The following GOLGA6L9 variants were observed in gnomAD, a reference collection of about 807,000 sequenced individuals.
The protein encoded by GOLGA6L9 is golgin subfamily A member 6-like protein 9.
GOLGA6L9 carries 19 observed loss-of-function variants against 51.3 expected under a neutral mutation model. The ratio of observed to expected loss-of-function variants is 0.37; its 90% CI spans 0.26 to 0.54. The LOEUF (loss-of-function observed/expected upper bound fraction) is 0.54. Among genes scored for constraint, GOLGA6L9 ranks in the 20% least tolerant of loss-of-function variants. The pLI is 0.83. For missense variants in GOLGA6L9, 247 were observed against 464.1 expected (o/e 0.53, Z 4.30); for synonymous variants, 97 against 184.2 (o/e 0.53, Z 3.83).
the GOLGA6L9 span, among the ~76,000 whole-genome samples, chr15:82,416,168 C>T: frequency 6.6e-6 from 1 of 151,926 alleles, no homozygotes; most frequent in Non-Finnish European, 1.5e-5. Flanking sequence ...GAAGAGTAAG[C>T]GCAATCAGGT....
chr15:82,436,602 G>C lies in GOLGA6L9; in HGVS notation c.*191G>C. 1 of 571,554 alleles carries C rather than the reference G, an allele frequency of 1.7e-6. No individual in the cohort carries two copies. Among genetic ancestry groups the C allele is most frequent in the Middle Eastern group, 5.1e-4 (1 of 1,980 alleles). 35.4% of individuals were successfully genotyped at this position (571,554 alleles called of 1,614,324 possible). A position where few individuals can be genotyped will look rare whatever the true frequency, so the allele number is the denominator to read the frequency against. On this transcript the variant is annotated 3_prime_UTR_variant, in exon 9 of 9. Coordinates refer to ENST00000618348, the MANE Select transcript of GOLGA6L9 (RefSeq NM_198181.4). ...TAATTTATAGTTTAAATTTATTTGT[G>C]TTTCTAATTTATAGTTTAAATTTAT...
the GOLGA6L9 span, among the ~76,000 whole-genome samples, chr15:82,417,919 A>T: frequency 3.3e-5 from 5 of 152,240 alleles, no homozygotes; most frequent in African/African-American, 1.2e-4. Context: ...GAGATTTCAA[A>T]TGTTTCAGAA....
In GOLGA6L9 at chr15:82,436,660, G is replaced by C. The variant is rs1397370648; in HGVS notation, c.*249G>C. ...TCTAATTTATAATTTAAATTTATTT[G>C]TAAAAAGTTAAATGAGAGTGGGTCT... On this transcript the variant is annotated 3_prime_UTR_variant, in exon 9 of 9. Coordinates refer to ENST00000618348, the MANE Select transcript of GOLGA6L9 (RefSeq NM_198181.4). The C allele has an allele frequency of 3.2e-6, 1 of 311,122 alleles. No homozygotes were observed. Among genetic ancestry groups the C allele is most frequent in the Non-Finnish European group, 5.5e-6 (1 of 180,442 alleles). The allele number at this position is 311,122 out of a possible 1,614,324, so 19.3% of individuals were successfully genotyped here.
upstream of GOLGA6L9, among the ~76,000 whole-genome samples, chr15:82,429,451 T>C (rs1257921539): frequency 9.3e-3 from 1,417 of 152,276 alleles, 28 homozygotes; most frequent in African/African-American, 0.033. Flanking sequence ...TGTAGGAGAA[T>C]AAGACAAACA....
chr15:82,429,071 T>G (rs2031299597), upstream of GOLGA6L9, among the ~76,000 whole-genome samples: 1 of 147,418 alleles, frequency 6.8e-6, no homozygotes, highest in African/African-American at 2.4e-5. Context: ...TGTATCTTAT[T>G]TTATTTTATT....
chr15:82,418,867 A>C, the GOLGA6L9 span: 1 of 152,384 alleles, frequency 6.6e-6, no homozygotes, highest in African/African-American at 2.4e-5. Context: ...CATTGTAAAG[A>C]ACACTCAAAT....
At chr15:82,418,305 G>A in the GOLGA6L9 span, among the ~76,000 whole-genome samples, 1 of 152,286 alleles carries the variant, frequency 6.6e-6, no homozygotes, top group South Asian at 2.1e-4. Flanking sequence ...CTTCTGGGGG[G>A]AAATACAGCA....
In GOLGA6L9 at chr15:82,439,101, A is replaced by T. The variant is rs1374351853; in HGVS notation, c.*2690A>T. 5.9e-5 allele frequency: 9 copies of T among 151,908 alleles called. No homozygotes were observed. Among genetic ancestry groups the T allele is most frequent in the Non-Finnish European group, 1.2e-4 (8 of 68,004 alleles). The allele number at this position is 151,908 out of a possible 1,614,324, so 9.4% of individuals were successfully genotyped here. On this transcript the variant is annotated 3_prime_UTR_variant, in exon 9 of 9. Coordinates refer to ENST00000618348, the MANE Select transcript of GOLGA6L9 (RefSeq NM_198181.4). ...CATTATTGACTGCTGCTGTGATGCTACTATAATGTAATACATTATTAAATT... is the reference window on the plus strand; with the variant it reads ...CATTATTGACTGCTGCTGTGATGCTTCTATAATGTAATACATTATTAAATT...
the GOLGA6L9 span, among the ~76,000 whole-genome samples, chr15:82,419,652 A>AAAAAC: frequency 3.3e-5 from 5 of 152,172 alleles, no homozygotes; most frequent in Non-Finnish European, 5.9e-5. Flanking sequence ...TCCATCTCAA[A>AAAAAC]AAAACAAAAC....
chr15:82,419,652 AAAAAC>A, the GOLGA6L9 span, among the ~76,000 whole-genome samples: 23 of 152,290 alleles, frequency 1.5e-4, no homozygotes, highest in Non-Finnish European at 2.6e-4. Context: ...TCCATCTCAA[AAAAAC>A]AAAACAAAAC....
chr15:82,417,123 G>A, the GOLGA6L9 span, among the ~76,000 whole-genome samples: 1 of 152,146 alleles, frequency 6.6e-6, no homozygotes, highest in African/African-American at 2.4e-5. Flanking sequence ...TTTTGTAATT[G>A]ACTTTTCTTT....
the GOLGA6L9 span, among the ~76,000 whole-genome samples, chr15:82,419,673 A>C: frequency 6.6e-6 from 1 of 151,838 alleles, no homozygotes; most frequent in South Asian, 2.1e-4. Flanking sequence ...AAAACAAAAC[A>C]AAAAAAACAG....
upstream of GOLGA6L9, among the ~76,000 whole-genome samples, chr15:82,429,389 T>C (rs1391205585): frequency 1.3e-5 from 2 of 152,154 alleles, no homozygotes; most frequent in African/African-American, 4.8e-5. Flanking sequence ...AGCTTTGTGT[T>C]TTTAAAGATA....
chr15:82,436,617 T>G lies in GOLGA6L9; in HGVS notation c.*206T>G, dbSNP rs1288997542. Reference sequence around the variant, plus strand: ...ATTTATTTGTGTTTCTAATTTATAGTTTAAATTTATTTTTGTTTCTAATTT... The same window carrying G: ...ATTTATTTGTGTTTCTAATTTATAGGTTAAATTTATTTTTGTTTCTAATTT... On this transcript the variant is annotated 3_prime_UTR_variant, in exon 9 of 9. Coordinates refer to ENST00000618348, the MANE Select transcript of GOLGA6L9 (RefSeq NM_198181.4). 3 of 505,030 alleles carry G rather than the reference T, an allele frequency of 5.9e-6. No individual in the cohort carries two copies. Among genetic ancestry groups the G allele is most frequent in the Non-Finnish European group, 9.4e-6 (3 of 320,380 alleles). The allele number at this position is 505,030 out of a possible 1,614,324, so 31.3% of individuals were successfully genotyped here. A position where few individuals can be genotyped will look rare whatever the true frequency, so the allele number is the denominator to read the frequency against.
At chr15:82,416,964 C>T in the GOLGA6L9 span, among the ~76,000 whole-genome samples, 2 of 152,040 alleles carry the variant, frequency 1.3e-5, no homozygotes, top group African/African-American at 2.4e-5. Flanking sequence ...TTTTCTTCTC[C>T]CCAGAAAGAA....
intron 8 of GOLGA6L9, 58 bp downstream of exon 8, chr15:82,436,127 C>A: frequency 1.4e-6 from 1 of 719,172 alleles, no homozygotes; most frequent in Non-Finnish European, 2.3e-6. Context: ...TCGCACTGTG[C>A]CCAGATTCCC....
upstream of GOLGA6L9, among the ~76,000 whole-genome samples, chr15:82,427,546 T>C (rs1239185439): frequency 2.7e-5 from 4 of 149,898 alleles, no homozygotes; most frequent in Non-Finnish European, 4.4e-5. Flanking sequence ...GAAAATGTAA[T>C]TATCTAAGTC....
At position 82,430,093 on chromosome 15, in the gene GOLGA6L9, C is replaced by T. The variant is rs2031360689; in HGVS notation, c.14C>T (p.Pro5Leu). 1 of 735,630 alleles carries T rather than the reference C, an allele frequency of 1.4e-6. No homozygotes were observed. Among genetic ancestry groups the T allele is most frequent in the African/African-American group, 1.9e-5 (1 of 53,598 alleles). 45.6% of individuals were successfully genotyped at this position (735,630 alleles called of 1,614,324 possible). Residue 5 changes from proline to leucine, a missense_variant, in exon 1 of 9, where the codon CCC becomes CTC. By Grantham distance (98) the Pro-to-Leu change is moderately conservative. Around this residue, in one of 9 missense-constraint regions of GOLGA6L9, gnomAD observed 14 missense variants for 18.1 expected, o/e 0.77. Coordinates refer to ENST00000618348, the MANE Select transcript of GOLGA6L9 (RefSeq NM_198181.4). MWPQ[P>L]RLPPHPAMSE... ...GGTATTTCGCTGATGTGGCCCCAAC[C>T]CCGCCTCCCTCCCCACCCCGCGATG...
chr15:82,418,546 A>G, the GOLGA6L9 span: 2 of 152,214 alleles, frequency 1.3e-5, no homozygotes, highest in Admixed American at 1.3e-4. Flanking sequence ...ATTAAAGGAG[A>G]AATGAAATTA....
Sources: gnomAD v4.1 joint callset for allele counts (sites outside exome capture counted in the v4.1 genomes callset) on GRCh38, gnomAD v4.1.1 for gene constraint, gnomAD v4.1.1 regional missense constraint, MANE v1.5 for transcripts, NCBI Gene and HGNC (gene_info 2026-07-23, HGNC 2026-07-21) for gene names.